Variants in LTBP1 observed in about 807,000 individuals in gnomAD.
LTBP1 encodes latent transforming growth factor beta binding protein 1.
Under a neutral mutation model 207.6 loss-of-function variants are expected in LTBP1, and 129 were observed. The observed-to-expected ratio is 0.62, with a 90% confidence interval of 0.54 to 0.72. The LOEUF is 0.72. Among genes scored for constraint, LTBP1 ranks in the 30% least tolerant of loss-of-function variants. LTBP1 has a pLI of 0.00. For missense variants in LTBP1, 2,281 were observed against 2,217.2 expected, an observed-to-expected ratio of 1.03 and a Z score of -0.58; for synonymous variants, 963 against 833.7, an observed-to-expected ratio of 1.16 and a Z score of -2.67.
At chr2:33,275,112 C>G in intron 17 of LTBP1, 22 bp downstream of exon 17, 1 of 1,612,038 alleles carries the variant, frequency 6.2e-7, no homozygotes, top group South Asian at 1.1e-5. Flanking sequence ...ATTCTTCCTG[C>G]TTACAAATTC....
chr2:33,258,236 A>G (rs143993217), intron 12 of LTBP1, among the ~76,000 whole-genome samples: 1 of 152,224 alleles, frequency 6.6e-6, no homozygotes, highest in East Asian at 1.9e-4. Flanking sequence ...AATACTTCAC[A>G]TATCTTGCTT....
In LTBP1 at chr2:33,004,819, A is replaced by G. The variant is rs912928512; in HGVS notation, c.566-16090A>G. On this transcript the variant is annotated intron_variant, in intron 2 of 33. Transcript: ENST00000404816. ...TATATATATATATATATATATAAACATAAAATTTGTAAAATAGTATTTATT... is the reference window on the plus strand; with the variant it reads ...TATATATATATATATATATATAAACGTAAAATTTGTAAAATAGTATTTATT... Among the ~76,000 whole-genome samples, 6 of 147,064 alleles carry G rather than the reference A, an allele frequency of 4.1e-5. No individual in the cohort carries two copies. In the Admixed American group the frequency reaches 4.1e-4, roughly 10 times the overall value.
Position 33,134,215 on chromosome 2 carries a change from G to A in LTBP1, c.1034-578G>A, listed in dbSNP as rs990047810. On this transcript the variant is annotated intron_variant, in intron 4 of 33. Coordinates refer to ENST00000404816, the MANE Select transcript of LTBP1 (RefSeq NM_206943.4). The surrounding 1 kb of genome is among the most constrained non-coding windows in gnomAD (Gnocchi z 4.4). ...AGTTGTGAAAAAGAAATGGGCTCCCGCAGCTGCGTCACAGCATTTGATCAC... is the reference window on the plus strand; with the variant it reads ...AGTTGTGAAAAAGAAATGGGCTCCCACAGCTGCGTCACAGCATTTGATCAC... Among the ~76,000 whole-genome samples the A allele has an allele frequency of 3.3e-5, 5 of 152,166 alleles. No individual in the cohort carries two copies. The highest frequency in any genetic ancestry group is 2.6e-4 in the Admixed American group (4 of 15,278).
chr2:33,015,979 G>A (rs1376263677), intron 2 of LTBP1, among the ~76,000 whole-genome samples: 2 of 152,152 alleles, frequency 1.3e-5, no homozygotes, highest in South Asian at 2.1e-4. Flanking sequence ...CCATAGTCCA[G>A]TCACCTCCCA....
At chr2:33,337,468 C>T (rs1353574192) in intron 24 of LTBP1, among the ~76,000 whole-genome samples, 1 of 152,150 alleles carries the variant, frequency 6.6e-6, no homozygotes, top group Non-Finnish European at 1.5e-5. Flanking sequence ...CATCAGGGAT[C>T]GATTCTCCTT....
intron 5 of LTBP1, among the ~76,000 whole-genome samples, chr2:33,180,674 T>A (rs1412939142): frequency 6.6e-6 from 1 of 152,108 alleles, no homozygotes; most frequent in African/African-American, 2.4e-5. Flanking sequence ...CAGGCTGGTC[T>A]TGAACTCCTG....
chr2:33,201,653 A>AAG (rs1558804751), intron 7 of LTBP1, among the ~76,000 whole-genome samples: 27 of 148,976 alleles, frequency 1.8e-4, no homozygotes, highest in African/African-American at 6.7e-4. Context: ...AGAAGAAGAA[A>AAG]AAAAAAGAAA....
chr2:32,951,530 G>GGACA (rs1677105641), intron 2 of LTBP1, among the ~76,000 whole-genome samples: 1 of 152,172 alleles, frequency 6.6e-6, no homozygotes, highest in Non-Finnish European at 1.5e-5. Flanking sequence ...TGGCTGAGTA[G>GGACA]TGTGATGCCA....
At chr2:32,967,730 C>A (rs139112150) in intron 2 of LTBP1, among the ~76,000 whole-genome samples, 1 of 152,018 alleles carries the variant, frequency 6.6e-6, no homozygotes, top group East Asian at 1.9e-4. Context: ...GTTTTATGAC[C>A]CAGAATGTGG....
At chr2:33,209,195 G>A (rs532740489) in intron 7 of LTBP1, among the ~76,000 whole-genome samples, 1 of 152,172 alleles carries the variant, frequency 6.6e-6, no homozygotes, top group Admixed American at 6.6e-5. Context: ...ATTGCACCCT[G>A]ACTCTTAGGC....
At chr2:33,322,529 A>G (rs1448228901) in intron 24 of LTBP1, among the ~76,000 whole-genome samples, 1 of 152,248 alleles carries the variant, frequency 6.6e-6, no homozygotes, top group East Asian at 1.9e-4. Context: ...GAGATACATT[A>G]TATATCTGAT....
intron 3 of LTBP1, among the ~76,000 whole-genome samples, chr2:33,094,988 A>G (rs1263988463): frequency 6.6e-6 from 1 of 152,232 alleles, no homozygotes; most frequent in Non-Finnish European, 1.5e-5. Context: ...TTCTAGTGTA[A>G]GTAAACTGTT....
chr2:33,336,310 A>G (rs2149558408), intron 24 of LTBP1, among the ~76,000 whole-genome samples: 1 of 152,288 alleles, frequency 6.6e-6, no homozygotes, highest in East Asian at 1.9e-4. Flanking sequence ...TTTAACTATC[A>G]TCATGGTGAC....
chr2:33,341,889 A>G (rs2094630396), intron 24 of LTBP1, among the ~76,000 whole-genome samples: 1 of 152,016 alleles, frequency 6.6e-6, no homozygotes, highest in African/African-American at 2.4e-5. Flanking sequence ...TGAACATAAA[A>G]GTGCAATCTT....
intron 18 of LTBP1, among the ~76,000 whole-genome samples, chr2:33,279,492 G>A (rs2093514009): frequency 6.8e-6 from 1 of 147,946 alleles, no homozygotes; most frequent in African/African-American, 2.5e-5. Context: ...AGTATGTGAT[G>A]AGTTCACTCT....
chr2:33,315,118 T>C, intron 23 of LTBP1, 26 bp from the exon 24 acceptor site: 1 of 1,582,428 alleles, frequency 6.3e-7, no homozygotes, highest in Non-Finnish European at 8.5e-7. Flanking sequence ...TTTTTCAAGT[T>C]TTTAAGACTC....
chr2:33,198,912 G>C (rs2088876694), intron 7 of LTBP1, among the ~76,000 whole-genome samples: 1 of 152,122 alleles, frequency 6.6e-6, no homozygotes, highest in Non-Finnish European at 1.5e-5. Flanking sequence ...GTTCTGCTCT[G>C]ATTTTAGTTA....
At chr2:33,200,887 C>G (rs1220537245) in intron 7 of LTBP1, among the ~76,000 whole-genome samples, 1 of 152,208 alleles carries the variant, frequency 6.6e-6, no homozygotes, top group African/African-American at 2.4e-5. Context: ...TGCTCATCAT[C>G]ACTGGCCATC....
chr2:33,330,188 G>C (rs13403065), intron 24 of LTBP1, among the ~76,000 whole-genome samples: 49,004 of 151,750 alleles, frequency 0.32, 8,841 homozygotes, highest in Non-Finnish European at 0.4. Flanking sequence ...CCAGTATATA[G>C]AGCTAAATTT....
Sources: gnomAD v4.1 joint callset for allele counts (sites outside exome capture counted in the v4.1 genomes callset) on GRCh38, gnomAD v4.1.1 for gene constraint, Gnocchi (gnomAD v3.1) non-coding constraint, MANE v1.5 for transcripts, NCBI Gene and HGNC (gene_info 2026-07-23, HGNC 2026-07-21) for gene names.